The following HMGA2 variants were observed in gnomAD, a reference collection of about 807,000 sequenced individuals.
HMGA2 encodes the protein high mobility group AT-hook 2.
Under a neutral mutation model 19.1 loss-of-function variants are expected in HMGA2, and 8 were observed. The observed-to-expected ratio is 0.42, with a 90% CI of 0.25 to 0.76. HMGA2 has a LOEUF of 0.76. HMGA2 is among the 30% of genes least tolerant of loss of function. HMGA2 has a pLI of 0.28. For missense variants in HMGA2, 109 were observed against 136.3 expected (o/e 0.80, Z 1.00); for synonymous variants, 60 against 48.8 (o/e 1.23, Z -0.96).
At chr12:65,928,704 A>G (rs1225472853) in intron 3 of HMGA2, among the ~76,000 whole-genome samples, 2 of 152,320 alleles carry the variant, frequency 1.3e-5, no homozygotes, top group African/African-American at 2.4e-5. Flanking sequence ...TTGGCTAACA[A>G]CTAAGACATA....
At chr12:65,838,696 G>T in intron 3 of HMGA2, 127 bp downstream of exon 3, 1 of 713,374 alleles carries the variant, frequency 1.4e-6, no homozygotes, top group South Asian at 1.7e-5. Flanking sequence ...CTTTGAAAGG[G>T]TTAAGTCAAG....
chr12:65,950,421 C>T (rs1017471478), intron 3 of HMGA2, among the ~76,000 whole-genome samples: 5 of 152,106 alleles, frequency 3.3e-5, no homozygotes, highest in Admixed American at 6.5e-5. Flanking sequence ...CTAGAAAACC[C>T]TAGGCCAGTG....
intron 3 of HMGA2, chr12:65,859,917 C>CT (rs929607498): frequency 1.5e-4 from 38 of 254,636 alleles, no homozygotes; most frequent in Non-Finnish European, 2.8e-4. Flanking sequence ...TGCCCCATCT[C>CT]TAAAAAAAAA....
intron 3 of HMGA2, among the ~76,000 whole-genome samples, chr12:65,851,954 G>T (rs187957784): frequency 1.3e-5 from 2 of 152,196 alleles, no homozygotes; most frequent in East Asian, 1.9e-4. Flanking sequence ...GATAATAATT[G>T]TCATATCTTC....
At chr12:65,906,349 C>T (rs944872904) in intron 3 of HMGA2, among the ~76,000 whole-genome samples, 5 of 152,104 alleles carry the variant, frequency 3.3e-5, no homozygotes, top group Admixed American at 3.3e-4. Context: ...CCGATGATAG[C>T]ATCTTATGGG....
At chr12:65,914,206 C>A (rs368726216) in intron 3 of HMGA2, among the ~76,000 whole-genome samples, 1 of 151,970 alleles carries the variant, frequency 6.6e-6, no homozygotes, top group South Asian at 2.1e-4. Context: ...ATGTTTATTG[C>A]GGCATTATTC....
chr12:65,914,036 C>T (rs901513183), intron 3 of HMGA2, among the ~76,000 whole-genome samples: 1 of 152,146 alleles, frequency 6.6e-6, no homozygotes, highest in African/African-American at 2.4e-5. Flanking sequence ...CACTTTTACA[C>T]TGTTGGTGGG....
chr12:65,882,736 A>T (rs1873481858), intron 3 of HMGA2, among the ~76,000 whole-genome samples: 1 of 152,254 alleles, frequency 6.6e-6, no homozygotes. Flanking sequence ...ATGCCTGGCC[A>T]CTTAATGGGC....
At chr12:65,870,625 A>G (rs1043461466) in intron 3 of HMGA2, among the ~76,000 whole-genome samples, 17 of 152,176 alleles carry the variant, frequency 1.1e-4, no homozygotes, top group African/African-American at 3.1e-4. Context: ...AGCTACTTGG[A>G]GGCTGAGGCA....
chr12:65,833,655 G>T (rs1287214722), intron 2 of HMGA2, among the ~76,000 whole-genome samples: 3 of 152,010 alleles, frequency 2.0e-5, no homozygotes, highest in African/African-American at 7.2e-5. Flanking sequence ...ACCCTAGAAG[G>T]TTATCTTTTA....
chr12:65,857,381 C>T (rs1022490265), intron 3 of HMGA2: 6 of 152,140 alleles, frequency 3.9e-5, no homozygotes, highest in Non-Finnish European at 7.4e-5. Flanking sequence ...TTTATTAATG[C>T]TTGTTTGATG....
At chr12:65,957,214 G>A (rs1433478353) in intron 4 of HMGA2, 1 of 152,130 alleles carries the variant, frequency 6.6e-6, no homozygotes, top group African/African-American at 2.4e-5. Context: ...AAGGGAAAAG[G>A]TTTTTCCTAG....
At chr12:65,954,043 TG>T (rs1046965775) in intron 4 of HMGA2, 1 of 152,180 alleles carries the variant, frequency 6.6e-6, no homozygotes, top group Non-Finnish European at 1.5e-5. Context: ...GGCTCAGCAG[TG>T]TGTAAACAGA....
chr12:65,915,058 G>A, intron 3 of HMGA2: 3 of 1,613,556 alleles, frequency 1.9e-6, no homozygotes, highest in Non-Finnish European at 2.5e-6. Flanking sequence ...CATATCCACA[G>A]GACAATCTAC....
intron 3 of HMGA2, among the ~76,000 whole-genome samples, chr12:65,874,867 G>A (rs555510647): frequency 6.2e-4 from 95 of 152,300 alleles, no homozygotes; most frequent in Middle Eastern, 3.4e-3. Flanking sequence ...CAGAAAAAGA[G>A]AGTCACATTT....
At chr12:65,850,401 A>G (rs1871409621) in intron 3 of HMGA2, among the ~76,000 whole-genome samples, 1 of 152,172 alleles carries the variant, frequency 6.6e-6, no homozygotes, top group Admixed American at 6.5e-5. Context: ...GTTTCCTGCT[A>G]TGATAAAGCA....
intron 4 of HMGA2, 91 bp downstream of exon 4, chr12:65,951,506 AT>A: frequency 1.2e-6 from 1 of 843,622 alleles, no homozygotes; most frequent in Non-Finnish European, 1.9e-6. Flanking sequence ...CTTATTTCGC[AT>A]TTTCTTACTT....
intron 3 of HMGA2, among the ~76,000 whole-genome samples, chr12:65,894,206 CTT>C (rs1314907986): frequency 6.6e-6 from 1 of 152,148 alleles, no homozygotes; most frequent in Admixed American, 6.5e-5. Context: ...GTTTGAAAAA[CTT>C]AGTTTTAAAA....
At chr12:65,862,318 TCAAA>T in intron 3 of HMGA2, among the ~76,000 whole-genome samples, 1 of 148,774 alleles carries the variant, frequency 6.7e-6, no homozygotes. Context: ...TTCCATAACT[TCAAA>T]CAACAGAAAA....
Sources: gnomAD v4.1 joint callset for allele counts (sites outside exome capture counted in the v4.1 genomes callset) on GRCh38, gnomAD v4.1.1 for gene constraint, MANE v1.5 for transcripts, NCBI Gene and HGNC (gene_info 2026-07-23, HGNC 2026-07-21) for gene names.